Variants in ELMO1 observed in about 807,000 individuals in gnomAD.
The protein encoded by ELMO1 is engulfment and cell motility 1.
In ELMO1, 26 loss-of-function variants were observed where a neutral mutation model predicts 98.9. That is an observed-to-expected ratio of 0.26 (90% CI 0.19 to 0.36). The LOEUF (loss-of-function observed/expected upper bound fraction) is 0.36, where lower values mean the gene tolerates loss of function less well. Among genes scored for constraint, ELMO1 ranks in the 10% least tolerant of loss-of-function variants. The pLI is 1.00. For synonymous variants in ELMO1, 346 were observed against 346.0 expected (o/e 1.00, Z 0.00); for missense variants, 627 against 935.2 (o/e 0.67, Z 4.30).
At chr7:37,215,041 T>A (rs1584820588) in intron 11 of ELMO1, among the ~76,000 whole-genome samples, 1 of 152,358 alleles carries the variant, frequency 6.6e-6, no homozygotes, top group Admixed American at 6.5e-5. Context: ...GGACAGTAAT[T>A]ATGAATACTT....
intron 4 of ELMO1, among the ~76,000 whole-genome samples, chr7:37,308,284 T>C (rs868241630): frequency 6.6e-6 from 1 of 152,224 alleles, no homozygotes; most frequent in East Asian, 1.9e-4. Context: ...CAAGTCCAGC[T>C]TAAAACCATC....
chr7:36,897,325 C>CGTGTGTGTGTGTGTGTGTGTGTGTGTGT (rs11267559), intron 16 of ELMO1, among the ~76,000 whole-genome samples: 4 of 47,000 alleles, frequency 8.5e-5, no homozygotes, highest in East Asian at 4.5e-4. Flanking sequence ...AGAAAACAGA[C>CGTGTGTGTGTGTGTGTGTGTGTGTGTGT]GTGTGTGTGT....
At chr7:37,424,151 G>A (rs1026954799) in intron 1 of ELMO1, among the ~76,000 whole-genome samples, 2 of 152,130 alleles carry the variant, frequency 1.3e-5, no homozygotes, top group African/African-American at 4.8e-5. Flanking sequence ...AGAGCAAAAT[G>A]GTCTTCATCA....
chr7:37,102,362 C>A (rs562934547), intron 14 of ELMO1, among the ~76,000 whole-genome samples: 1 of 152,320 alleles, frequency 6.6e-6, no homozygotes, highest in East Asian at 1.9e-4. Flanking sequence ...GAGAATTAAA[C>A]AAACATGTCC....
chr7:37,019,469 C>T (rs745480000), intron 15 of ELMO1, among the ~76,000 whole-genome samples: 1 of 152,186 alleles, frequency 6.6e-6, no homozygotes, highest in Non-Finnish European at 1.5e-5. Flanking sequence ...CAAGTGTGGG[C>T]CAACACGGTG....
intron 4 of ELMO1, among the ~76,000 whole-genome samples, chr7:37,274,008 ACAC>A (rs1353411592): frequency 4.6e-5 from 7 of 152,136 alleles, no homozygotes; most frequent in African/African-American, 1.7e-4. Context: ...CGAAAACCCA[ACAC>A]CACCAGATCC....
intron 2 of ELMO1, among the ~76,000 whole-genome samples, chr7:37,328,429 A>T (rs2717942): frequency 0.47 from 67,751 of 143,988 alleles, 17,371 homozygotes; most frequent in Non-Finnish European, 0.58. Flanking sequence ...AACTTGCTCA[A>T]AGCCTCACAG....
At chr7:37,395,626 T>C (rs1448105819) in intron 1 of ELMO1, among the ~76,000 whole-genome samples, 1 of 152,224 alleles carries the variant, frequency 6.6e-6, no homozygotes, top group Non-Finnish European at 1.5e-5. Context: ...TTAGGAACTG[T>C]ACATTTACAT....
intron 13 of ELMO1, among the ~76,000 whole-genome samples, chr7:37,201,561 T>C (rs1173786418): frequency 6.6e-6 from 1 of 152,332 alleles, no homozygotes; most frequent in East Asian, 1.9e-4. Context: ...CATCCAACAA[T>C]GCTTCTAGTT....
At chr7:37,022,874 T>C (rs1794351954) in intron 15 of ELMO1, among the ~76,000 whole-genome samples, 1 of 152,230 alleles carries the variant, frequency 6.6e-6, no homozygotes, top group Admixed American at 6.5e-5. Context: ...GGTTTATTCA[T>C]ACAGCAGCAT....
At chr7:37,097,971 T>A (rs1306465504) in intron 14 of ELMO1, among the ~76,000 whole-genome samples, 1 of 152,214 alleles carries the variant, frequency 6.6e-6, no homozygotes, top group African/African-American at 2.4e-5. Context: ...CACTCTCAAC[T>A]AAGGGAATTA....
intron 4 of ELMO1, among the ~76,000 whole-genome samples, chr7:37,305,699 A>C (rs1450197888): frequency 6.6e-6 from 1 of 152,226 alleles, no homozygotes; most frequent in African/African-American, 2.4e-5. Flanking sequence ...TTATCTTACA[A>C]AGAAAACTAT....
chr7:37,354,698 A>G (rs1801422141), intron 1 of ELMO1, among the ~76,000 whole-genome samples: 1 of 152,158 alleles, frequency 6.6e-6, no homozygotes, highest in Non-Finnish European at 1.5e-5. Flanking sequence ...CCTCCCAGCA[A>G]GCCTGTCACT....
chr7:36,979,895 A>G (rs1463144248), intron 16 of ELMO1, among the ~76,000 whole-genome samples: 1 of 152,150 alleles, frequency 6.6e-6, no homozygotes, highest in Non-Finnish European at 1.5e-5. Flanking sequence ...TTTCTTTCCA[A>G]CCAGGCAAGT....
At chr7:37,374,442 T>C (rs1802244209) in intron 1 of ELMO1, among the ~76,000 whole-genome samples, 1 of 152,276 alleles carries the variant, frequency 6.6e-6, no homozygotes, top group South Asian at 2.1e-4. Context: ...AAAAGAACAT[T>C]AGTTAGTCGT....
chr7:37,296,025 G>A (rs1215940835), intron 4 of ELMO1, among the ~76,000 whole-genome samples: 1 of 152,144 alleles, frequency 6.6e-6, no homozygotes, highest in Non-Finnish European at 1.5e-5. Flanking sequence ...AAATCTAAGA[G>A]TTTAAAACAG....
At chr7:37,191,993 A>G (rs547010711) in intron 13 of ELMO1, among the ~76,000 whole-genome samples, 2 of 152,368 alleles carry the variant, frequency 1.3e-5, no homozygotes, top group South Asian at 4.1e-4. Flanking sequence ...TGGAAATGTT[A>G]GGAAATCAAA....
chr7:37,215,992 C>CTTT (rs56397617), intron 11 of ELMO1, among the ~76,000 whole-genome samples: 1 of 145,198 alleles, frequency 6.9e-6, no homozygotes, highest in Admixed American at 6.8e-5. Flanking sequence ...TCCTCTTTTC[C>CTTT]TTTTTTTTTT....
chr7:37,326,428 G>A (rs554183073), intron 2 of ELMO1, among the ~76,000 whole-genome samples: 6 of 151,780 alleles, frequency 4.0e-5, no homozygotes, highest in African/African-American at 9.7e-5. Context: ...GGTGGGGTGC[G>A]CCTGTAATCC....
Sources: allele counts gnomAD v4.1 joint callset (sites outside exome capture counted in the v4.1 genomes callset), GRCh38; gene constraint gnomAD v4.1.1; transcripts MANE v1.5; gene names NCBI Gene and HGNC (gene_info 2026-07-23, HGNC 2026-07-21).